Variants in PABIR2 observed in about 807,000 individuals in gnomAD.
PABIR2 encodes family with sequence similarity 122B.
Under a neutral mutation model 22.8 loss-of-function variants are expected in PABIR2, and 7 were observed. The observed-to-expected ratio is 0.31, with a 90% CI of 0.17 to 0.58. The LOEUF (loss-of-function observed/expected upper bound fraction) is 0.58. Ranked by LOEUF, PABIR2 falls within the 20% of genes least tolerant of loss-of-function variation. The pLI is 0.89. For missense variants in PABIR2, 155 were observed against 205.1 expected (o/e 0.76, Z 1.49); for synonymous variants, 67 against 73.8 (o/e 0.91, Z 0.47).
chrX:134,783,275 G>A (rs1481639536), intron 8 of PABIR2, among the ~76,000 whole-genome samples: 1 of 112,064 alleles, frequency 8.9e-6, no homozygotes, highest in Non-Finnish European at 1.9e-5. Context: ...TTAATTTTAA[G>A]TTGTTTGAAA....
At chrX:134,774,819 TTC>T (rs1304791608) in intron 9 of PABIR2, among the ~76,000 whole-genome samples, 1 of 112,433 alleles carries the variant, frequency 8.9e-6, no homozygotes, top group Non-Finnish European at 1.9e-5. Flanking sequence ...AAAATCTAGT[TTC>T]TGTTTGAATT....
Position 134,787,539 on chromosome X carries a change from A to G in PABIR2, c.436-6T>C, listed in dbSNP as rs374525679. Reference sequence around the variant, plus strand: ...CCACTGCTGCTCACGAACATCTGTAAGAAGGGTGAAAAACATTACTAGAAA... The same window carrying G: ...CCACTGCTGCTCACGAACATCTGTAGGAAGGGTGAAAAACATTACTAGAAA... On this transcript the variant is annotated splice_region_variant and splice_polypyrimidine_tract_variant and intron_variant, in intron 6 of 9. Transcript: ENST00000343004. 53 of 1,199,460 alleles carry G rather than the reference A, an allele frequency of 4.4e-5. No individual in the cohort carries two copies. Among genetic ancestry groups the G allele is most frequent in the Non-Finnish European group, 5.7e-5 (51 of 887,538 alleles).
rs2079802845 is a variant in PABIR2, at chrX:134,796,158, A to G, written c.48T>C (p.Tyr16=). The G allele has an allele frequency of 8.3e-7, 1 of 1,208,146 alleles. No homozygotes were observed. Among genetic ancestry groups the G allele is most frequent in the Non-Finnish European group, 1.1e-6 (1 of 894,777 alleles). The part of the protein sequence containing the change: ...MELDLEPDTS[Y]GGTLRRSSSA... ...TGCTGGATCTCCTCAGGGTTCCCCC[A>G]TAAGATGTGTCAGGCTCAAGGTCCA... is the stretch of plus-strand genomic sequence containing the variant. The change falls in exon 1 of 10, where the codon TAT becomes TAC. Residue 16 remains tyrosine (Y), a synonymous_variant. Coordinates refer to ENST00000343004, the MANE Select transcript of PABIR2 (RefSeq NM_001387468.1).
At chrX:134,782,310 T>C (rs1207152842) in intron 8 of PABIR2, among the ~76,000 whole-genome samples, 1 of 112,371 alleles carries the variant, frequency 8.9e-6, no homozygotes, top group Non-Finnish European at 1.9e-5. Context: ...TTTTGATACC[T>C]GAACATTTCC....
At chrX:134,795,561 C>CCTT (rs1225868754) in intron 1 of PABIR2, among the ~76,000 whole-genome samples, 2 of 112,088 alleles carry the variant, frequency 1.8e-5, no homozygotes, top group Non-Finnish European at 3.8e-5. Context: ...TACAGACCAC[C>CCTT]CTTCTTTTTT....
intron 6 of PABIR2, 133 bp downstream of exon 6, chrX:134,788,597 A>C (rs2079450763): frequency 3.0e-6 from 1 of 330,515 alleles, no homozygotes; most frequent in Admixed American, 5.7e-5. Context: ...TATATTTTCC[A>C]AATTACTGCT....
intron 2 of PABIR2, among the ~76,000 whole-genome samples, chrX:134,791,362 G>A (rs778045516): frequency 9.0e-6 from 1 of 111,174 alleles, no homozygotes; most frequent in East Asian, 2.8e-4. Context: ...TGGAGTTGTG[G>A]TAGAAGCAGC....
At chrX:134,790,424 T>A (rs1254452173) in intron 2 of PABIR2, among the ~76,000 whole-genome samples, 1 of 112,784 alleles carries the variant, frequency 8.9e-6, no homozygotes, top group African/African-American at 3.2e-5. Context: ...CAAGTGAACT[T>A]GTAATACTAT....
At chrX:134,787,770 CA>C (rs1314769049) in intron 6 of PABIR2, among the ~76,000 whole-genome samples, 1 of 104,968 alleles carries the variant, frequency 9.5e-6, no homozygotes, top group Non-Finnish European at 1.9e-5. Flanking sequence ...TGTGCGCCAC[CA>C]TGCCCGACTA....
intron 6 of PABIR2, among the ~76,000 whole-genome samples, chrX:134,787,749 A>G (rs2079380833): frequency 9.7e-6 from 1 of 103,251 alleles, no homozygotes; most frequent in Non-Finnish European, 2.0e-5. Flanking sequence ...TTGATGAGCT[A>G]GGACTACAGG....
chrX:134,794,852 C>T (rs1336330951), intron 1 of PABIR2, among the ~76,000 whole-genome samples: 6 of 111,615 alleles, frequency 5.4e-5, no homozygotes, highest in Non-Finnish European at 1.1e-4. Flanking sequence ...ATGACTCATT[C>T]GTGATCATAG....
chrX:134,792,536 TGTAA>T (rs1360250282), intron 2 of PABIR2, among the ~76,000 whole-genome samples: 4 of 112,411 alleles, frequency 3.6e-5, no homozygotes, highest in Non-Finnish European at 5.6e-5. Context: ...CATTTCCCCC[TGTAA>T]GTATTTTCAG....
chrX:134,777,595 G>A (rs183510779), intron 9 of PABIR2, among the ~76,000 whole-genome samples: 11 of 109,367 alleles, frequency 1.0e-4, no homozygotes, highest in Admixed American at 7.8e-4. Context: ...CCAGCACTTT[G>A]GGAGGCCGAG....
chrX:134,794,658 G>A (rs1207746231), intron 1 of PABIR2, among the ~76,000 whole-genome samples: 1 of 112,143 alleles, frequency 8.9e-6, no homozygotes, highest in African/African-American at 3.2e-5. Flanking sequence ...CATTGGTAGA[G>A]AGGTGTTTTG....
At chrX:134,792,261 G>A (rs1299753736) in intron 2 of PABIR2, among the ~76,000 whole-genome samples, 1 of 111,755 alleles carries the variant, frequency 8.9e-6, no homozygotes, top group Admixed American at 9.5e-5. Flanking sequence ...AGAGCAGTGA[G>A]TCACCATGGC....
intron 1 of PABIR2, 25 bp downstream of exon 1, chrX:134,796,083 C>A: frequency 1.7e-6 from 2 of 1,189,672 alleles, no homozygotes; most frequent in Non-Finnish European, 2.3e-6. Flanking sequence ...GAATCCTGTA[C>A]TCCATCCTCC....
At chrX:134,787,335 G>A in intron 7 of PABIR2, 137 bp downstream of exon 7, 1 of 524,441 alleles carries the variant, frequency 1.9e-6, no homozygotes. Context: ...CTTGACCTCA[G>A]GTAATCCACC....
At chrX:134,782,015 C>T (rs2079169940) in intron 8 of PABIR2, 98 bp from the exon 9 acceptor site, 1 of 485,498 alleles carries the variant, frequency 2.1e-6, no homozygotes, top group African/African-American at 2.4e-5. Context: ...GCTCAGAATA[C>T]TTCTTCAAAC....
At position 134,789,159 on chromosome X, in the gene PABIR2, G is replaced by A. The variant is rs2079470504; in HGVS notation, c.279-20C>T. 8.3e-7 allele frequency: 1 copy of A among 1,210,553 alleles called. No individual in the cohort carries two copies. Among genetic ancestry groups the A allele is most frequent in the African/African-American group, 1.7e-5 (1 of 57,348 alleles). ...ATTTCCCTAAAATAAACAAAGGGAAGGGCCGTCAGTGTTTACAAACAAGAC... is the reference window on the plus strand; with the variant it reads ...ATTTCCCTAAAATAAACAAAGGGAAAGGCCGTCAGTGTTTACAAACAAGAC... On this transcript the variant is annotated intron_variant, in intron 4 of 9. Coordinates refer to ENST00000343004, the MANE Select transcript of PABIR2 (RefSeq NM_001387468.1).
Sources: gnomAD v4.1 joint callset for allele counts (sites outside exome capture counted in the v4.1 genomes callset) on GRCh38, gnomAD v4.1.1 for gene constraint, MANE v1.5 for transcripts, NCBI Gene and HGNC (gene_info 2026-07-23, HGNC 2026-07-21) for gene names.